Variants in CEP162 observed in about 807,000 individuals in gnomAD.
CEP162 encodes the protein centrosomal protein of 162 kDa.
Under a neutral mutation model 169.2 loss-of-function variants are expected in CEP162, and 141 were observed. The observed-to-expected ratio is 0.83, with a 90% CI of 0.73 to 0.96. The LOEUF is 0.96. Ranked by LOEUF, CEP162 falls within the 40% of genes least tolerant of loss-of-function variation. The pLI is 0.00. For missense variants in CEP162, 1,600 were observed against 1,587.2 expected, an observed-to-expected ratio of 1.01 and a Z score of -0.14; for synonymous variants, 540 against 526.4, an observed-to-expected ratio of 1.03 and a Z score of -0.35.
chr6:84,174,772 T>TG lies in CEP162; in HGVS notation c.1979_1980insC (p.Lys660AsnfsTer10). Reference sequence around the variant, plus strand: ...TATCTTGATTCAATTTGAAGAGTTCTTTTTCCTGTTGTTTCTTTAGTTCTT... The same window carrying TG: ...TATCTTGATTCAATTTGAAGAGTTCTGTTTTCCTGTTGTTTCTTTAGTTCTT... On this transcript the variant is annotated frameshift_variant, in exon 15 of 27. Transcript: ENST00000403245. LOFTEE classifies it high-confidence loss of function. The TG allele has an allele frequency of 6.4e-7, 1 of 1,557,590 alleles. No individual in the cohort carries two copies. The highest frequency in any genetic ancestry group is 8.8e-7 in the Non-Finnish European group (1 of 1,140,678).
intron 25 of CEP162, among the ~76,000 whole-genome samples, chr6:84,133,742 G>A (rs985091494): frequency 1.3e-5 from 2 of 152,140 alleles, no homozygotes; most frequent in Non-Finnish European, 2.9e-5. Flanking sequence ...GGAGTGTCCC[G>A]ATTTTCCAGG....
intron 25 of CEP162, among the ~76,000 whole-genome samples, chr6:84,140,805 C>A (rs1191413392): frequency 6.6e-6 from 1 of 152,120 alleles, no homozygotes; most frequent in South Asian, 2.1e-4. Flanking sequence ...GATTTACAGG[C>A]GTGAGTCACT....
Position 84,219,820 on chromosome 6 carries a change from A to C in CEP162, c.172+1237T>G, listed in dbSNP as rs58087758. 3.4e-3 allele frequency among the ~76,000 whole-genome samples: 521 copies of C among 152,278 alleles called. 3 individuals carry two copies. Among genetic ancestry groups the C allele is most frequent in the African/African-American group, 0.012 (479 of 41,544 alleles). Reference sequence around the variant, plus strand: ...GTTTCCTACCCTCGCAAAGCTCCCAACCGCAGGAGTTGTCCTATAGGTTAC... The same window carrying C: ...GTTTCCTACCCTCGCAAAGCTCCCACCCGCAGGAGTTGTCCTATAGGTTAC... On this transcript the variant is annotated intron_variant, in intron 3 of 26. Transcript: ENST00000403245.
At position 84,152,994 on chromosome 6, in the gene CEP162, G is replaced by A. The variant is rs139980601; in HGVS notation, c.3180C>T (p.Asp1060=). 2.6e-5 allele frequency: 42 copies of A among 1,613,162 alleles called. No homozygotes were observed. Among genetic ancestry groups the A allele is most frequent in the East Asian group, 8.9e-5 (4 of 44,858 alleles). The change falls in exon 23 of 27, where the codon GAC becomes GAT. Residue 1060 remains aspartate (D), a synonymous_variant. Coordinates refer to ENST00000403245, the MANE Select transcript of CEP162 (RefSeq NM_014895.4). ...CATCATCTTTATCATTTTTCTTGAC[G>A]TCTAATTCAGCATTCTGATGTTTAA... ...DVLKHQNAEL[D]VKKNDKDDED...
At chr6:84,193,405 GT>G (rs1314219305) in intron 11 of CEP162, among the ~76,000 whole-genome samples, 2 of 152,096 alleles carry the variant, frequency 1.3e-5, no homozygotes, top group Non-Finnish European at 2.9e-5. Context: ...AGTGGCCCCA[GT>G]TTTTTTATAG....
chr6:84,224,033 T>C (rs1484525402), intron 2 of CEP162, among the ~76,000 whole-genome samples: 3 of 152,214 alleles, frequency 2.0e-5, no homozygotes, highest in Non-Finnish European at 2.9e-5. Context: ...ATTTCACTCT[T>C]TGGCATATAC....
At chr6:84,188,395 C>T (rs2099538171) in intron 11 of CEP162, among the ~76,000 whole-genome samples, 3 of 152,238 alleles carry the variant, frequency 2.0e-5, no homozygotes, top group East Asian at 1.9e-4. Context: ...CCCAACCTCT[C>T]AAGTAGGCCC....
chr6:84,214,643 T>C (rs2099550839), intron 5 of CEP162, among the ~76,000 whole-genome samples: 2 of 152,214 alleles, frequency 1.3e-5, no homozygotes, highest in Non-Finnish European at 2.9e-5. Flanking sequence ...ATGATTCTCC[T>C]GACCCTTAAT....
chr6:84,210,860 C>T (rs555131085), intron 6 of CEP162, among the ~76,000 whole-genome samples: 2 of 152,246 alleles, frequency 1.3e-5, no homozygotes, highest in South Asian at 4.1e-4. Flanking sequence ...TTAGAGGTTA[C>T]TAGAGCTACT....
chr6:84,164,459 A>G (rs558874537), intron 18 of CEP162, among the ~76,000 whole-genome samples: 14 of 152,210 alleles, frequency 9.2e-5, no homozygotes, highest in Admixed American at 6.5e-4. Context: ...CAAATGCCCA[A>G]TGATAGACTG....
chr6:84,166,013 T>C (rs2099527668), intron 18 of CEP162, among the ~76,000 whole-genome samples: 1 of 152,224 alleles, frequency 6.6e-6, no homozygotes, highest in Admixed American at 6.5e-5. Context: ...CTTCATGGAA[T>C]TACAGTATTT....
chr6:84,199,755 T>C (rs2099543698), intron 9 of CEP162, among the ~76,000 whole-genome samples: 2 of 152,178 alleles, frequency 1.3e-5, no homozygotes, highest in South Asian at 4.1e-4. Context: ...ATTTTTATAC[T>C]ATTCAACAAA....
In CEP162 at chr6:84,174,825, T is replaced by TTGTTTCTTTAG. The variant is rs767801833; in HGVS notation, c.1926_1927insCTAAAGAAACA (p.Lys643LeufsTer9). On this transcript the variant is annotated frameshift_variant, in exon 15 of 27. Coordinates refer to ENST00000403245, the MANE Select transcript of CEP162 (RefSeq NM_014895.4). LOFTEE classifies it high-confidence loss of function. Reference sequence around the variant, plus strand: ...AACTTATTTTCTAGTTCTTTCTCCTTTTCTGAGAATGTGGCTTTAATTTGC... The same window carrying TTGTTTCTTTAG: ...AACTTATTTTCTAGTTCTTTCTCCTTTGTTTCTTTAGTTCTGAGAATGTGGCTTTAATTTGC... 14 of 1,494,592 alleles carry TTGTTTCTTTAG rather than the reference T, an allele frequency of 9.4e-6. No homozygotes were observed. The highest frequency in any genetic ancestry group is 2.4e-5 in the South Asian group (2 of 81,726). 92.6% of individuals were successfully genotyped at this position (1,494,592 alleles called of 1,614,324 possible).
At chr6:84,215,168 A>T (rs905458733) in intron 5 of CEP162, 114 bp downstream of exon 5, 2 of 539,672 alleles carry the variant, frequency 3.7e-6, no homozygotes, top group African/African-American at 3.9e-5. Flanking sequence ...AGATTTAAAA[A>T]ATAAGATTTA....
chr6:84,162,201 A>C lies in CEP162; in HGVS notation c.2513-292T>G, dbSNP rs995443326. On this transcript the variant is annotated intron_variant, in intron 19 of 26. Coordinates refer to ENST00000403245, the MANE Select transcript of CEP162 (RefSeq NM_014895.4). Reference sequence around the variant, plus strand: ...TAACCTTTTTAAAATTATAAAAGTAAAGTTGTTTCCATGGGAAAATAAATG... The same window carrying C: ...TAACCTTTTTAAAATTATAAAAGTACAGTTGTTTCCATGGGAAAATAAATG... Among the ~76,000 whole-genome samples the C allele has an allele frequency of 2.0e-5, 3 of 152,282 alleles. No homozygotes were observed. The East Asian group carries it at 5.8e-4, about 29-fold the overall frequency.
chr6:84,172,061 A>AAAGACCC (rs2099530357), intron 16 of CEP162, among the ~76,000 whole-genome samples: 1 of 152,108 alleles, frequency 6.6e-6, no homozygotes, highest in Non-Finnish European at 1.5e-5. Context: ...ACCCGGGTGG[A>AAAGACCC]AAGACCCAGT....
chr6:84,216,532 G>C (rs1376211696), intron 3 of CEP162, among the ~76,000 whole-genome samples: 1 of 152,092 alleles, frequency 6.6e-6, no homozygotes, highest in Non-Finnish European at 1.5e-5. Flanking sequence ...GGGGACGGGA[G>C]GGTATTATAG....
chr6:84,153,664 A>C (rs538833922), intron 22 of CEP162, among the ~76,000 whole-genome samples: 3 of 152,202 alleles, frequency 2.0e-5, no homozygotes, highest in Non-Finnish European at 4.4e-5. Flanking sequence ...TATTTTGTTT[A>C]GTATTCAGCA....
intron 16 of CEP162, among the ~76,000 whole-genome samples, 189 bp downstream of exon 16, chr6:84,173,859 A>T (rs912163163): frequency 6.6e-6 from 1 of 150,994 alleles, no homozygotes; most frequent in African/African-American, 2.4e-5. Context: ...AATTTTTTTT[A>T]TTTTTAGTAG....
Sources: gnomAD v4.1 joint callset for allele counts (sites outside exome capture counted in the v4.1 genomes callset) on GRCh38, gnomAD v4.1.1 for gene constraint, MANE v1.5 for transcripts, NCBI Gene and HGNC (gene_info 2026-07-23, HGNC 2026-07-21) for gene names.